Variants in UXS1 observed in about 807,000 individuals in gnomAD.
The protein encoded by UXS1 is UDP-glucuronic acid decarboxylase 1.
In UXS1, 33 loss-of-function variants were observed where a neutral mutation model predicts 62.6. The ratio of observed to expected loss-of-function variants is 0.53; its 90% CI spans 0.40 to 0.70. UXS1 has a LOEUF of 0.70. UXS1 is among the 30% of genes least tolerant of loss of function. The pLI is 0.00. For synonymous variants in UXS1, 213 were observed against 206.8 expected, an observed-to-expected ratio of 1.03 and a Z score of -0.26; for missense variants, 434 against 556.3, an observed-to-expected ratio of 0.78 and a Z score of 2.21.
chr2:106,113,090 T>C (rs983103124), intron 9 of UXS1, among the ~76,000 whole-genome samples: 2 of 152,200 alleles, frequency 1.3e-5, no homozygotes, highest in Admixed American at 6.5e-5. Context: ...CAGTTAAATA[T>C]ATATTTTCCA....
At position 106,171,019 on chromosome 2, in the gene UXS1, T is replaced by C. The variant is rs191771427; in HGVS notation, c.95-4936A>G. ...TTTAAGAAAGATAATTATTCAGTTA[T>C]TGACAAAGGGCTTATAACTGAATGC... On this transcript the variant is annotated intron_variant, in intron 1 of 14. Coordinates refer to ENST00000283148, the MANE Select transcript of UXS1 (RefSeq NM_001253875.2). 1.4e-3 allele frequency among the ~76,000 whole-genome samples: 216 copies of C among 152,348 alleles called. 1 individual carries two copies. The highest frequency in any genetic ancestry group is 2.7e-3 in the Non-Finnish European group (185 of 68,034).
chr2:106,166,339 T>C (rs1573550608), intron 1 of UXS1: 3 of 381,266 alleles, frequency 7.9e-6, no homozygotes, highest in African/African-American at 2.1e-5. Context: ...GCCCTGAATA[T>C]ATGCTCCCAT....
intron 1 of UXS1, among the ~76,000 whole-genome samples, chr2:106,170,218 C>A (rs1028403752): frequency 6.6e-6 from 1 of 152,212 alleles, no homozygotes; most frequent in South Asian, 2.1e-4. Context: ...TGTCCCCAAC[C>A]CTTCAGCTCG....
chr2:106,111,254 G>T (rs1427881294), intron 10 of UXS1, among the ~76,000 whole-genome samples: 1 of 152,194 alleles, frequency 6.6e-6, no homozygotes. Context: ...TGGTGGATCT[G>T]TGCAGTGAAG....
chr2:106,194,085 C>G, intron 1 of UXS1, 63 bp downstream of exon 1: 1 of 1,352,324 alleles, frequency 7.4e-7, no homozygotes, highest in South Asian at 1.5e-5. Context: ...CCACCGCCGC[C>G]CGGCCCACCG....
intron 5 of UXS1, 57 bp from the exon 6 acceptor site, chr2:106,145,427 G>A: frequency 6.5e-7 from 1 of 1,537,610 alleles, no homozygotes; most frequent in Middle Eastern, 2.0e-4. Context: ...AGAACACAGT[G>A]AGGACCAGCT....
At chr2:106,178,596 ATGTGTGTGTATATATG>A (rs758183319) in intron 1 of UXS1, among the ~76,000 whole-genome samples, 17 of 151,782 alleles carry the variant, frequency 1.1e-4, no homozygotes, top group Admixed American at 2.6e-4. Flanking sequence ...ATGTACATGT[ATGTGTGTGTATATATG>A]TGTGTGTGTA....
intron 1 of UXS1, among the ~76,000 whole-genome samples, chr2:106,189,946 T>C (rs755494125): frequency 5.3e-5 from 8 of 152,008 alleles, no homozygotes; most frequent in African/African-American, 9.7e-5. Flanking sequence ...AGTCCTGCAG[T>C]GGGTAGGTCC....
At chr2:106,106,191 C>A (rs887605197) in intron 10 of UXS1, among the ~76,000 whole-genome samples, 1 of 152,030 alleles carries the variant, frequency 6.6e-6, no homozygotes, top group Non-Finnish European at 1.5e-5. Context: ...ATGGAGAAAC[C>A]CTGTCTCTGC....
chr2:106,194,102 C>A (rs1425988290), intron 1 of UXS1, 46 bp downstream of exon 1: 2 of 1,411,512 alleles, frequency 1.4e-6, no homozygotes, highest in Non-Finnish European at 1.9e-6. Flanking sequence ...ACCGCGGCGC[C>A]GGGGAATGAA....
At chr2:106,193,974 C>A (rs1003394532) in intron 1 of UXS1, among the ~76,000 whole-genome samples, 174 bp downstream of exon 1, 7 of 151,880 alleles carry the variant, frequency 4.6e-5, no homozygotes, top group African/African-American at 1.7e-4. Flanking sequence ...CCAAGTTGGC[C>A]CGCTTTGCTG....
chr2:106,161,317 G>C (rs1047888828), intron 4 of UXS1, among the ~76,000 whole-genome samples: 1 of 152,068 alleles, frequency 6.6e-6, no homozygotes, highest in Non-Finnish European at 1.5e-5. Context: ...TGTTGCCCAG[G>C]CTGGGCTCGA....
chr2:106,128,042 C>A (rs527639389), intron 7 of UXS1, among the ~76,000 whole-genome samples: 1 of 152,294 alleles, frequency 6.6e-6, no homozygotes, highest in South Asian at 2.1e-4. Context: ...GCCCCAGTGA[C>A]AGGACCCACG....
intron 5 of UXS1, among the ~76,000 whole-genome samples, chr2:106,152,553 A>G (rs567239004): frequency 7.3e-6 from 1 of 136,178 alleles, no homozygotes; most frequent in East Asian, 1.9e-4. Flanking sequence ...AGAGAAAGGG[A>G]GAAAGAAAGG....
At chr2:106,131,082 T>C (rs1470764016) in intron 6 of UXS1, among the ~76,000 whole-genome samples, 1 of 149,510 alleles carries the variant, frequency 6.7e-6, no homozygotes, top group Non-Finnish European at 1.5e-5. Flanking sequence ...GGCGAGGCAT[T>C]GCCTCACCTG....
At chr2:106,190,548 C>G (rs1438856949) in intron 1 of UXS1, among the ~76,000 whole-genome samples, 2 of 152,032 alleles carry the variant, frequency 1.3e-5, no homozygotes, top group East Asian at 3.9e-4. Context: ...GAGTTTGAGA[C>G]CAGCCTGACC....
At chr2:106,174,090 G>C (rs1244777769) in intron 1 of UXS1, among the ~76,000 whole-genome samples, 1 of 151,170 alleles carries the variant, frequency 6.6e-6, no homozygotes, top group African/African-American at 2.4e-5. Flanking sequence ...GAAGAGGATT[G>C]GGGGGGGCGG....
At chr2:106,106,267 G>C (rs1030737218) in intron 10 of UXS1, among the ~76,000 whole-genome samples, 5 of 151,824 alleles carry the variant, frequency 3.3e-5, no homozygotes, top group African/African-American at 1.2e-4. Flanking sequence ...GGGAGGCTGA[G>C]GCAGGAGAAT....
chr2:106,097,946 G>A (rs572129615), intron 13 of UXS1, among the ~76,000 whole-genome samples: 1 of 152,348 alleles, frequency 6.6e-6, no homozygotes, highest in East Asian at 1.9e-4. Flanking sequence ...GGGTCGATTA[G>A]ACCAATGCCG....
Sources: gnomAD v4.1 joint callset for allele counts (sites outside exome capture counted in the v4.1 genomes callset) on GRCh38, gnomAD v4.1.1 for gene constraint, MANE v1.5 for transcripts, NCBI Gene and HGNC (gene_info 2026-07-23, HGNC 2026-07-21) for gene names.